COL5A2: variants seen among roughly 807,000 people sequenced by gnomAD.
The protein encoded by COL5A2 is collagen type V alpha 2 chain.
In COL5A2, 23 loss-of-function variants were observed where a neutral mutation model predicts 208.2. That is an observed-to-expected ratio of 0.11 (90% confidence interval 0.08 to 0.16). The LOEUF is 0.16. Among genes scored for constraint, COL5A2 ranks in the 10% least tolerant of loss-of-function variants. The pLI is 1.00. For synonymous variants in COL5A2, 625 were observed against 628.5 expected, an observed-to-expected ratio of 0.99 and a Z score of 0.08; for missense variants, 1,590 against 1,956.4, an observed-to-expected ratio of 0.81 and a Z score of 3.53.
chr2:189,326,796 C>T, the COL5A2 span, among the ~76,000 whole-genome samples: 12 of 151,440 alleles, frequency 7.9e-5, no homozygotes, highest in South Asian at 4.2e-4. Context: ...TGAGGCCAGG[C>T]GCGGTGGTTC....
the COL5A2 span, among the ~76,000 whole-genome samples, chr2:189,300,814 G>A: frequency 8.5e-5 from 13 of 152,352 alleles, no homozygotes; most frequent in African/African-American, 3.1e-4. Flanking sequence ...GTGGAAGTCA[G>A]ATAGTCTCTC....
At chr2:189,336,318 A>T in the COL5A2 span, among the ~76,000 whole-genome samples, 2 of 152,200 alleles carry the variant, frequency 1.3e-5, no homozygotes, top group African/African-American at 2.4e-5. Context: ...AACCACTGTG[A>T]AACACTGGCA....
the COL5A2 span, among the ~76,000 whole-genome samples, chr2:189,362,512 G>GC: frequency 1.3e-5 from 2 of 152,112 alleles, no homozygotes; most frequent in Admixed American, 6.6e-5. Context: ...TTAACCAAGA[G>GC]CACAGCTGGA....
At chr2:189,169,616 T>A (rs1161073367) in intron 1 of COL5A2, among the ~76,000 whole-genome samples, 1 of 152,168 alleles carries the variant, frequency 6.6e-6, no homozygotes, top group African/African-American at 2.4e-5. Context: ...AGGCTTAATC[T>A]CTCTGAGAGC....
At chr2:189,434,708 T>C in the COL5A2 span, among the ~76,000 whole-genome samples, 1 of 152,202 alleles carries the variant, frequency 6.6e-6, no homozygotes, top group African/African-American at 2.4e-5. Context: ...CTTTCCACGC[T>C]CATGGAGAGG....
At chr2:189,047,204 G>C (rs1001292497) in intron 45 of COL5A2, among the ~76,000 whole-genome samples, 6 of 151,890 alleles carry the variant, frequency 4.0e-5, no homozygotes, top group African/African-American at 1.5e-4. Flanking sequence ...TTAAACTTGT[G>C]ATTTTAAAAG....
intron 35 of COL5A2, among the ~76,000 whole-genome samples, chr2:189,056,031 A>C (rs1351666843): frequency 6.6e-6 from 1 of 152,240 alleles, no homozygotes; most frequent in Non-Finnish European, 1.5e-5. Flanking sequence ...TTGTTAAAAG[A>C]AGTGGTGCAT....
the COL5A2 span, among the ~76,000 whole-genome samples, chr2:189,405,289 T>C: frequency 6.6e-6 from 1 of 152,060 alleles, no homozygotes; most frequent in South Asian, 2.1e-4. Context: ...TGGAGTGCAG[T>C]GGCACAATCT....
At chr2:189,362,959 A>C in the COL5A2 span, among the ~76,000 whole-genome samples, 113 of 152,218 alleles carry the variant, frequency 7.4e-4, 1 homozygote, top group African/African-American at 2.6e-3. Flanking sequence ...TATGCTAGTA[A>C]ATTTTAAGAT....
the COL5A2 span, among the ~76,000 whole-genome samples, chr2:189,315,237 C>G: frequency 6.6e-6 from 1 of 152,254 alleles, no homozygotes; most frequent in African/African-American, 2.4e-5. Flanking sequence ...TGATCCACCA[C>G]AATCAAGTAA....
At chr2:189,287,606 T>C in the COL5A2 span, among the ~76,000 whole-genome samples, 1 of 152,164 alleles carries the variant, frequency 6.6e-6, no homozygotes, top group Non-Finnish European at 1.5e-5. Flanking sequence ...CAAGGAAATA[T>C]ATGATGAGGT....
chr2:189,335,151 G>A, the COL5A2 span, among the ~76,000 whole-genome samples: 2 of 152,008 alleles, frequency 1.3e-5, no homozygotes, highest in South Asian at 2.1e-4. Context: ...ACATCTTCAC[G>A]ACCTTGAGGG....
the COL5A2 span, among the ~76,000 whole-genome samples, chr2:189,324,057 A>C: frequency 6.6e-6 from 1 of 152,250 alleles, no homozygotes; most frequent in Non-Finnish European, 1.5e-5. Context: ...ACCTGACAAA[A>C]ACAAGAAATG....
Position 189,053,899 on chromosome 2 carries a change from T to C in COL5A2, c.2495A>G (p.Asn832Ser). ...CACCAAAATACTGTCACTTACAGGA[T>C]TGCCCCGGGAGCCAGGAGGGCCAAC... ...GLVGPPGSRG[N>S]PGSRGENGPT... The change falls in exon 37 of 54, where the codon AAT becomes AGT. Residue 832 changes from asparagine to serine, a missense_variant. Transcript: ENST00000374866. 1 of 1,613,762 alleles carries C rather than the reference T, an allele frequency of 6.2e-7. No individual in the cohort carries two copies. Among genetic ancestry groups the C allele is most frequent in the Non-Finnish European group, 8.5e-7 (1 of 1,179,726 alleles).
chr2:189,050,007 C>A lies in COL5A2; in HGVS notation c.3040-553G>T, dbSNP rs1452935068. ...ATTAATTTTTTTCAAGCACTGTAAT[C>A]TTTTAGCAATAAAATTTAGTCTCTT... is the stretch of plus-strand genomic sequence containing the variant. On this transcript the variant is annotated intron_variant, in intron 43 of 53. Transcript: ENST00000374866. Among the ~76,000 whole-genome samples the A allele has an allele frequency of 2.6e-5, 4 of 152,050 alleles. No individual in the cohort carries two copies. The East Asian group carries it at 7.7e-4, about 29-fold the overall frequency.
rs377097582 is a variant in COL5A2, at chr2:189,058,259, A to C, written c.2229+170T>G. ...GAGTCTTCTTTTTAGCTGACACTTT[A>C]GTTGCAAGGAAAAAGCCTAGTAAGC... On this transcript the variant is annotated intron_variant, in intron 33 of 53. Transcript: ENST00000374866. Among the ~76,000 whole-genome samples the C allele has an allele frequency of 2.6e-5, 4 of 152,330 alleles. No individual in the cohort carries two copies. The East Asian group carries it at 5.8e-4, about 22-fold the overall frequency.
chr2:189,344,673 G>A, the COL5A2 span, among the ~76,000 whole-genome samples: 1 of 152,166 alleles, frequency 6.6e-6, no homozygotes, highest in East Asian at 1.9e-4. Flanking sequence ...CCCAAATTGA[G>A]AAGAGCACAT....
rs147180114 is a variant in COL5A2 at position 189,117,264 on chromosome 2, T to G, written c.98-6815A>C. The stretch of plus-strand genomic sequence containing the variant: ...TCTGCTAATGCATTTGACATAGATT[T>G]TTTTTCCCACATACCTCAAACTACT... On this transcript the variant is annotated intron_variant, in intron 1 of 53. Transcript: ENST00000374866. Among the ~76,000 whole-genome samples the G allele has an allele frequency of 5.3e-5, 8 of 152,278 alleles. No homozygotes were observed. The East Asian group carries it at 1.5e-3, about 29-fold the overall frequency.
chr2:189,418,034 T>C, the COL5A2 span, among the ~76,000 whole-genome samples: 3 of 152,144 alleles, frequency 2.0e-5, no homozygotes, highest in Non-Finnish European at 2.9e-5. Flanking sequence ...ATTTGTAATA[T>C]ATTCATGTGG....
Sources: allele counts gnomAD v4.1 joint callset (sites outside exome capture counted in the v4.1 genomes callset), GRCh38; gene constraint gnomAD v4.1.1; transcripts MANE v1.5; gene names NCBI Gene and HGNC (gene_info 2026-07-23, HGNC 2026-07-21).